ZNF33A: variants seen among roughly 807,000 people sequenced by gnomAD.
ZNF33A encodes brain my041 protein.
Under a neutral mutation model 15.9 loss-of-function variants are expected in ZNF33A, and 9 were observed. The ratio of observed to expected loss-of-function variants is 0.57; its 90% CI spans 0.34 to 0.99. The LOEUF (loss-of-function observed/expected upper bound fraction) is 0.99, where lower values mean the gene tolerates loss of function less well. Ranked by LOEUF, ZNF33A falls within the 50% of genes least tolerant of loss-of-function variation. The pLI is 0.02. For missense variants in ZNF33A, 843 were observed against 941.6 expected (o/e 0.90, Z 1.37); for synonymous variants, 294 against 324.2 (o/e 0.91, Z 1.00).
Position 38,049,834 on chromosome 10 carries a change from C to T in ZNF33A, c.251-4541C>T, listed in dbSNP as rs189668088. The stretch of plus-strand genomic sequence containing the variant: ...CCAAAAGCTGTTTCATTGAGAAGAT[C>T]GATAAAATGGATAAACTTCTAGGTG... On this transcript the variant is annotated intron_variant, in intron 4 of 4. Transcript: ENST00000432900. 1.7e-4 allele frequency among the ~76,000 whole-genome samples: 26 copies of T among 151,692 alleles called. 1 individual carries two copies. The East Asian group carries it at 4.8e-3, about 28-fold the overall frequency.
intron 2 of ZNF33A, among the ~76,000 whole-genome samples, chr10:38,014,881 G>A (rs1468485071): frequency 6.6e-6 from 1 of 152,034 alleles, no homozygotes; most frequent in African/African-American, 2.4e-5. Flanking sequence ...AATTTGGGAA[G>A]AATTACTTAC....
chr10:38,054,833 C>A lies in ZNF33A; in HGVS notation c.709C>A (p.Gln237Lys), dbSNP rs1390087697. The change falls in exon 5 of 5, where the codon CAG becomes AAG. Residue 237 changes from glutamine (Q) to lysine (K), a missense_variant. Gln to Lys is a moderately conservative substitution (Grantham distance 53). Coordinates refer to ENST00000432900, the MANE Select transcript of ZNF33A (RefSeq NM_006954.2). ...CCTTGAAAAGGCAGTATTCAATACA[C>A]AGAAGAGAGAGAACGCAGAAGAGAA... ...TLLEKAVFNT[Q>K]KRENAEENNC... The A allele has an allele frequency of 1.2e-6, 2 of 1,613,154 alleles. No homozygotes were observed. Among genetic ancestry groups the A allele is most frequent in the African/African-American group, 2.7e-5 (2 of 74,912 alleles).
intron 4 of ZNF33A, chr10:38,017,750 A>AT (rs1398471554): frequency 1.1e-5 from 2 of 181,798 alleles, no homozygotes; most frequent in Non-Finnish European, 2.3e-5. Flanking sequence ...TTATACACTC[A>AT]TTTTTAAACT....
At position 38,057,295 on chromosome 10, in the gene ZNF33A, G is replaced by A. The variant is rs2505229; in HGVS notation, c.*735G>A. On this transcript the variant is annotated 3_prime_UTR_variant, in exon 5 of 5. Transcript: ENST00000432900. ...TCCCTTTTTGTATTAATAACCACAC[G>A]CTTTCTGCAACCCTATCCCTTGCAT... 19 of 982,020 alleles carry A rather than the reference G, an allele frequency of 1.9e-5. No individual in the cohort carries two copies. Among genetic ancestry groups the A allele is most frequent in the East Asian group, 1.1e-4 (1 of 8,814 alleles). 60.8% of individuals were successfully genotyped at this position (982,020 alleles called of 1,614,324 possible). A position where few individuals can be genotyped will look rare whatever the true frequency, so the allele number is the denominator to read the frequency against.
At chr10:38,032,631 A>G (rs2065261283) in intron 4 of ZNF33A, among the ~76,000 whole-genome samples, 1 of 151,762 alleles carries the variant, frequency 6.6e-6, no homozygotes, top group South Asian at 2.1e-4. Context: ...CACCACACCC[A>G]GCTGTTTTTA....
chr10:38,047,624 C>CAAAAAAAAAAAAAAAAAAAAAAA (rs554054575), intron 4 of ZNF33A, among the ~76,000 whole-genome samples: 2 of 75,008 alleles, frequency 2.7e-5, no homozygotes, highest in Non-Finnish European at 5.1e-5. Context: ...GACTCTGTCT[C>CAAAAAAAAAAAAAAAAAAAAAAA]AAAAAAAAAA....
chr10:38,032,808 C>T (rs1490577711), intron 4 of ZNF33A, among the ~76,000 whole-genome samples: 3 of 151,614 alleles, frequency 2.0e-5, no homozygotes, highest in Admixed American at 1.3e-4. Flanking sequence ...AGTACAGTGG[C>T]GCGATCTTGG....
intron 4 of ZNF33A, among the ~76,000 whole-genome samples, chr10:38,049,877 C>A (rs1260493917): frequency 6.6e-6 from 1 of 152,000 alleles, no homozygotes; most frequent in Non-Finnish European, 1.5e-5. Flanking sequence ...TTATCAATAT[C>A]AAAAATAAGA....
intron 4 of ZNF33A, among the ~76,000 whole-genome samples, chr10:38,019,650 A>G (rs1440683148): frequency 2.0e-5 from 3 of 152,192 alleles, no homozygotes; most frequent in Non-Finnish European, 2.9e-5. Flanking sequence ...TATCTTCATG[A>G]ATAAAGGGGA....
rs1363876546 is a variant in ZNF33A, at chr10:38,026,395, T to G, written c.250+9009T>G. Among the ~76,000 whole-genome samples, 3 of 152,322 alleles carry G rather than the reference T, an allele frequency of 2.0e-5. No homozygotes were observed. The East Asian group carries it at 5.8e-4, about 29-fold the overall frequency. ...TGTCGCCCAGACTGGAGTGCAGTGG[T>G]GCGATCTCGGCTCACCACAACCTCC... is the stretch of plus-strand genomic sequence containing the variant. On this transcript the variant is annotated intron_variant, in intron 4 of 4. Transcript: ENST00000432900.
At chr10:38,047,190 CAAAAAAAAAAAAA>C (rs61278605) in intron 4 of ZNF33A, among the ~76,000 whole-genome samples, 4 of 64,024 alleles carry the variant, frequency 6.2e-5, no homozygotes, top group Non-Finnish European at 7.8e-5. Context: ...CCACCCCTGC[CAAAAAAAAAAAAA>C]AAAAAAAAAA....
At chr10:38,038,917 A>G (rs1258464957) in intron 4 of ZNF33A, among the ~76,000 whole-genome samples, 1 of 152,200 alleles carries the variant, frequency 6.6e-6, no homozygotes, top group Non-Finnish European at 1.5e-5. Flanking sequence ...TTGAATTACT[A>G]GGATAAATCA....
intron 4 of ZNF33A, among the ~76,000 whole-genome samples, chr10:38,047,190 C>CAAAAAAA (rs61278605): frequency 1.6e-4 from 10 of 64,052 alleles, no homozygotes; most frequent in Admixed American, 2.2e-4. Flanking sequence ...CCACCCCTGC[C>CAAAAAAA]AAAAAAAAAA....
chr10:38,015,912 T>C, intron 2 of ZNF33A: 1 of 1,008,232 alleles, frequency 9.9e-7, no homozygotes, highest in Non-Finnish European at 1.3e-6. Context: ...CGAAACCTGG[T>C]CCTGTAATTT....
At chr10:38,039,398 GTTT>G in intron 4 of ZNF33A, 1 of 391,786 alleles carries the variant, frequency 2.6e-6, no homozygotes, top group Non-Finnish European at 5.1e-6. Context: ...AATTTTTTGT[GTTT>G]TTTTTTTGTA....
At chr10:38,042,548 GTATT>G (rs1381114495) in intron 4 of ZNF33A, among the ~76,000 whole-genome samples, 9 of 121,214 alleles carry the variant, frequency 7.4e-5, no homozygotes, top group East Asian at 4.8e-4. Context: ...GTTTATCAAT[GTATT>G]TATTTATTTT....
intron 4 of ZNF33A, among the ~76,000 whole-genome samples, chr10:38,052,698 A>G (rs1437797488): frequency 1.3e-5 from 2 of 152,088 alleles, no homozygotes; most frequent in South Asian, 2.1e-4. Flanking sequence ...GCTGAGTTGT[A>G]TGGATAGGAT....
At position 38,020,495 on chromosome 10, in the gene ZNF33A, C is replaced by T. The variant is rs557102877; in HGVS notation, c.250+3109C>T. Among the ~76,000 whole-genome samples the T allele has an allele frequency of 1.7e-4, 26 of 152,216 alleles. No homozygotes were observed. The East Asian group carries it at 2.5e-3, about 15-fold the overall frequency. Reference sequence around the variant, plus strand: ...CCCTTTAACCATCCTCACCTTCCCCCGACCCCACCCCACTACCTTTCCCAG... The same window carrying T: ...CCCTTTAACCATCCTCACCTTCCCCTGACCCCACCCCACTACCTTTCCCAG... On this transcript the variant is annotated intron_variant, in intron 4 of 4. Transcript: ENST00000432900.
chr10:38,050,670 C>T (rs551949220), intron 4 of ZNF33A, among the ~76,000 whole-genome samples: 1 of 152,172 alleles, frequency 6.6e-6, no homozygotes, highest in Non-Finnish European at 1.5e-5. Context: ...TTGGTTGCAG[C>T]AGCAGCAAAC....
Sources: allele counts gnomAD v4.1 joint callset (sites outside exome capture counted in the v4.1 genomes callset), GRCh38; gene constraint gnomAD v4.1.1; transcripts MANE v1.5; gene names NCBI Gene and HGNC (gene_info 2026-07-23, HGNC 2026-07-21).